The following DHX32 variants were observed in gnomAD, a reference collection of about 807,000 sequenced individuals.
The protein encoded by DHX32 is putative pre-mRNA-splicing factor ATP-dependent RNA helicase DHX32.
A neutral mutation model predicts 70.0 loss-of-function variants in DHX32; 51 were observed. The observed-to-expected ratio is 0.73, with a 90% CI of 0.58 to 0.92. DHX32 has a LOEUF of 0.92. Among genes scored for constraint, DHX32 ranks in the 40% least tolerant of loss-of-function variants. DHX32 has a pLI of 0.00. For missense variants in DHX32, 762 were observed against 891.8 expected (o/e 0.85, Z 1.85); for synonymous variants, 310 against 315.3 (o/e 0.98, Z 0.18).
chr10:125,871,726 G>A (rs528145647), intron 1 of DHX32, among the ~76,000 whole-genome samples: 5 of 152,238 alleles, frequency 3.3e-5, no homozygotes, highest in African/African-American at 7.2e-5. Context: ...GGCAAATGTC[G>A]ATAATTTGAG....
chr10:125,857,453 C>G (rs1431427028), intron 3 of DHX32, among the ~76,000 whole-genome samples: 1 of 152,228 alleles, frequency 6.6e-6, no homozygotes, highest in Non-Finnish European at 1.5e-5. Flanking sequence ...GTCCAGTGCT[C>G]CGCCTGGGTC....
At chr10:125,846,754 G>A (rs375150043) in intron 6 of DHX32, among the ~76,000 whole-genome samples, 80 of 152,208 alleles carry the variant, frequency 5.3e-4, no homozygotes, top group African/African-American at 1.9e-3. Context: ...CAGTCACAGG[G>A]GACTGGTTCA....
chr10:125,860,982 G>A (rs1025945021), intron 2 of DHX32, among the ~76,000 whole-genome samples: 4 of 151,670 alleles, frequency 2.6e-5, no homozygotes, highest in Non-Finnish European at 5.9e-5. Flanking sequence ...TCGATCTCCT[G>A]ACCTTGTGAT....
intron 1 of DHX32, among the ~76,000 whole-genome samples, chr10:125,875,315 C>A (rs1038645363): frequency 5.3e-5 from 8 of 151,894 alleles, no homozygotes; most frequent in African/African-American, 1.9e-4. Flanking sequence ...AACAAGGACT[C>A]CTGGAGAAAA....
chr10:125,859,885 T>C lies in DHX32; in HGVS notation c.567A>G (p.Glu189=). 6.2e-7 allele frequency: 1 copy of C among 1,614,102 alleles called. No homozygotes were observed. The highest frequency in any genetic ancestry group is 8.5e-7 in the Non-Finnish European group (1 of 1,179,998). ...YGVIILDDIH[E]RSIATDVLLG... is the part of the protein sequence containing the mutation. Reference sequence around the variant, plus strand: ...GTAACACATCAGTTGCAATGCTTCTTTCATGAATATCATCTAAGATGATGA... The same window carrying C: ...GTAACACATCAGTTGCAATGCTTCTCTCATGAATATCATCTAAGATGATGA... The change falls in exon 3 of 11, where the codon GAA becomes GAG. Residue 189 remains glutamate (E), a synonymous_variant. Coordinates refer to ENST00000284690, the MANE Select transcript of DHX32 (RefSeq NM_018180.3).
intron 6 of DHX32, among the ~76,000 whole-genome samples, chr10:125,843,884 A>C (rs1038343832): frequency 1.2e-4 from 18 of 152,242 alleles, no homozygotes; most frequent in African/African-American, 4.1e-4. Context: ...CAGGGAACCC[A>C]GACATCCGCT....
At chr10:125,838,426 A>G in intron 9 of DHX32, 39 bp from the exon 10 acceptor site, 3 of 1,503,862 alleles carry the variant, frequency 2.0e-6, no homozygotes, top group Non-Finnish European at 1.8e-6. Flanking sequence ...ATTTTGTATT[A>G]ATATGGAGAT....
intron 6 of DHX32, among the ~76,000 whole-genome samples, chr10:125,843,641 G>T (rs980662376): frequency 4.3e-4 from 66 of 151,902 alleles, no homozygotes; most frequent in Non-Finnish European, 4.4e-4. Context: ...CACAAACTTC[G>T]ATTTGATAAA....
At chr10:125,849,924 G>A (rs1195777251) in intron 6 of DHX32, among the ~76,000 whole-genome samples, 2 of 151,996 alleles carry the variant, frequency 1.3e-5, no homozygotes, top group African/African-American at 4.8e-5. Context: ...GGAATCCTCT[G>A]GTGAAAGATC....
At chr10:125,841,969 C>T (rs1401148778) in intron 6 of DHX32, 35 bp from the exon 7 acceptor site, 3 of 1,537,374 alleles carry the variant, frequency 2.0e-6, no homozygotes, top group Non-Finnish European at 1.7e-6. Context: ...TTAAGAGTCT[C>T]ATATGGCTAA....
At chr10:125,888,780 C>A (rs1944353808) in intron 1 of DHX32, among the ~76,000 whole-genome samples, 1 of 152,278 alleles carries the variant, frequency 6.6e-6, no homozygotes, top group Non-Finnish European at 1.5e-5. Context: ...TCTGTCCTGG[C>A]CAGGCGTGGT....
Position 125,880,816 on chromosome 10 carries a change from T to G in DHX32, c.9A>C (p.Glu3Asp), listed in dbSNP as rs1944312882. ...AAGAGTTTGGACACTCCAGCCCTTC[T>G]TCTTCCATCTTGTCTGACAGTGAGC... MEEEGLECPNSSS... is the reference protein window; with the variant it reads MEDEGLECPNSSS... The change falls in exon 1 of 11, where the codon GAA becomes GAC. Residue 3 changes from glutamate (E) to aspartate (D), a missense_variant. By Grantham distance (45) the Glu-to-Asp change is conservative. This residue lies in a region of DHX32 where 394 missense variants were observed against 473.1 expected (regional missense o/e 0.83). Coordinates refer to ENST00000284690, the MANE Select transcript of DHX32 (RefSeq NM_018180.3). 1 of 1,610,320 alleles carries G rather than the reference T, an allele frequency of 6.2e-7. No homozygotes were observed. The highest frequency in any genetic ancestry group is 1.3e-5 in the African/African-American group (1 of 74,714).
upstream of DHX32, among the ~76,000 whole-genome samples, chr10:125,883,837 C>T (rs1204109153): frequency 6.6e-6 from 1 of 152,202 alleles, no homozygotes; most frequent in Admixed American, 6.5e-5. Flanking sequence ...CCGAAATCTA[C>T]AGAAGCCAAA....
chr10:125,873,653 G>T (rs1944268438), intron 1 of DHX32, among the ~76,000 whole-genome samples: 1 of 152,170 alleles, frequency 6.6e-6, no homozygotes, highest in African/African-American at 2.4e-5. Context: ...AAGTCTTAAT[G>T]GTTTCAACAA....
intron 6 of DHX32, among the ~76,000 whole-genome samples, chr10:125,851,949 AAAAAG>A (rs1337075630): frequency 9.9e-5 from 15 of 151,696 alleles, no homozygotes; most frequent in Non-Finnish European, 1.8e-4. Flanking sequence ...AAAGAAAAGA[AAAAAG>A]GACAATTCAA....
rs569738745 is a variant in DHX32, at chr10:125,870,529, C to T, written c.283-3346G>A. 2.6e-5 allele frequency among the ~76,000 whole-genome samples: 4 copies of T among 152,222 alleles called. No homozygotes were observed. In the East Asian group the frequency reaches 7.7e-4, roughly 29 times the overall value. On this transcript the variant is annotated intron_variant, in intron 1 of 10. Transcript: ENST00000284690. The stretch of plus-strand genomic sequence containing the variant: ...TGAAGCCATGAAATTCTCAGGCAAT[C>T]AGCATTTTAAATTACTCTTTCTAGG...
At position 125,864,527 on chromosome 10, in the gene DHX32, T is replaced by A. The variant is rs573025530; in HGVS notation, c.476+2463A>T. 9.2e-5 allele frequency among the ~76,000 whole-genome samples: 14 copies of A among 152,316 alleles called. 1 individual carries two copies. In the South Asian group the frequency reaches 2.9e-3, roughly 32 times the overall value. On this transcript the variant is annotated intron_variant, in intron 2 of 10. Coordinates refer to ENST00000284690, the MANE Select transcript of DHX32 (RefSeq NM_018180.3). ...GAATTGAATGCTTGGGTTTTTACCATAAAACAATCCTAAGCCTAACATGTG... is the reference window on the plus strand; with the variant it reads ...GAATTGAATGCTTGGGTTTTTACCAAAAAACAATCCTAAGCCTAACATGTG...
At chr10:125,888,541 T>C (rs1425118595) in intron 1 of DHX32, among the ~76,000 whole-genome samples, 1 of 152,264 alleles carries the variant, frequency 6.6e-6, no homozygotes, top group African/African-American at 2.4e-5. Flanking sequence ...ATAATTCATA[T>C]ATTTGCATGA....
chr10:125,865,564 C>A (rs971051339), intron 2 of DHX32, among the ~76,000 whole-genome samples: 1 of 152,062 alleles, frequency 6.6e-6, no homozygotes, highest in African/African-American at 2.4e-5. Context: ...GGGTCTCACT[C>A]TGTCACCCAG....
Sources: gnomAD v4.1 joint callset for allele counts (sites outside exome capture counted in the v4.1 genomes callset) on GRCh38, gnomAD v4.1.1 for gene constraint, gnomAD v4.1.1 regional missense constraint, MANE v1.5 for transcripts, NCBI Gene and HGNC (gene_info 2026-07-23, HGNC 2026-07-21) for gene names.